The following MEP1A variants were observed in gnomAD, a reference collection of about 807,000 sequenced individuals.
MEP1A encodes N-benzoyl-L-tyrosyl-P-amino-benzoic acid hydrolase subunit alpha.
MEP1A carries 68 observed loss-of-function variants against 84.5 expected under a neutral mutation model. The observed-to-expected ratio is 0.80, with a 90% CI of 0.66 to 0.98. The LOEUF is 0.98. MEP1A is among the 50% of genes least tolerant of loss of function. MEP1A has a pLI of 0.00. For synonymous variants in MEP1A, 337 were observed against 336.8 expected, an observed-to-expected ratio of 1.00 and a Z score of -0.01; for missense variants, 887 against 919.9, an observed-to-expected ratio of 0.96 and a Z score of 0.46.
chr6:46,824,860 ATATTTAAATAGATC>A (rs1767882399), intron 7 of MEP1A, among the ~76,000 whole-genome samples: 1 of 90,986 alleles, frequency 1.1e-5, no homozygotes, highest in Non-Finnish European at 2.0e-5. Flanking sequence ...TATAAATTAT[ATATTTAAATAGATC>A]TATTTAAATA....
In MEP1A at chr6:46,833,447, G is replaced by C. The variant is rs373347697; in HGVS notation, c.1518G>C (p.Val506=). Residue 506 remains valine (V), a synonymous_variant, in exon 11 of 14, where the codon GTG becomes GTC. Coordinates refer to ENST00000230588, the MANE Select transcript of MEP1A (RefSeq NM_005588.3). ...AGTGGCCGGTAGAAAACAGACAGGTGATAATTACCATCCTTGACCAGGAGC... is the reference window on the plus strand; with the variant it reads ...AGTGGCCGGTAGAAAACAGACAGGTCATAATTACCATCCTTGACCAGGAGC... ...ILEWPVENRQ[V]IITILDQEPD... 2 of 1,614,064 alleles carry C rather than the reference G, an allele frequency of 1.2e-6. No individual in the cohort carries two copies. The highest frequency in any genetic ancestry group is 1.3e-5 in the African/African-American group (1 of 74,928).
chr6:46,823,664 G>A (rs1449996010), intron 7 of MEP1A, among the ~76,000 whole-genome samples: 1 of 152,142 alleles, frequency 6.6e-6, no homozygotes, highest in African/African-American at 2.4e-5. Flanking sequence ...AGCTAGAGAA[G>A]GAGAATACGA....
intron 6 of MEP1A, among the ~76,000 whole-genome samples, chr6:46,810,926 A>G (rs1158769656): frequency 1.3e-5 from 2 of 151,540 alleles, no homozygotes; most frequent in Non-Finnish European, 3.0e-5. Flanking sequence ...TGTTCTTTTT[A>G]CTTAGTCTTG....
At chr6:46,824,848 T>TTTAATTAGATGTATTTAA (rs1470176960) in intron 7 of MEP1A, among the ~76,000 whole-genome samples, 1 of 82,242 alleles carries the variant, frequency 1.2e-5, no homozygotes, top group Admixed American at 1.4e-4. Context: ...ATAAATTATA[T>TTTAATTAGATGTATTTAA]ATATAAATTA....
rs377434217 is a variant in MEP1A at position 46,825,279 on chromosome 6, G to A, written c.564G>A (p.Gln188=). 2.2e-5 allele frequency: 36 copies of A among 1,609,992 alleles called. No homozygotes were observed. Among genetic ancestry groups the A allele is most frequent in the Middle Eastern group, 1.6e-4 (1 of 6,068 alleles). Reference sequence around the variant, plus strand: ...GGATTCTCTCCCTAACAGGTTACCAGCACAACTTTGACACCTATGATGATA... The same window carrying A: ...GGATTCTCTCCCTAACAGGTTACCAACACAACTTTGACACCTATGATGATA... ...IWWDQILSGY[Q]HNFDTYDDSL... is the part of the protein sequence containing the mutation. Residue 188 remains glutamine (Q), a synonymous_variant, in exon 8 of 14, where the codon CAG becomes CAA. Coordinates refer to ENST00000230588, the MANE Select transcript of MEP1A (RefSeq NM_005588.3).
At chr6:46,826,981 A>G (rs756550893) in intron 9 of MEP1A, among the ~76,000 whole-genome samples, 2 of 152,224 alleles carry the variant, frequency 1.3e-5, no homozygotes, top group African/African-American at 4.8e-5. Flanking sequence ...CATGTAATCA[A>G]AATAAAAGTT....
At chr6:46,834,276 G>A (rs1046791528) in intron 11 of MEP1A, among the ~76,000 whole-genome samples, 11 of 151,586 alleles carry the variant, frequency 7.3e-5, no homozygotes, top group East Asian at 3.9e-4. Context: ...GAAAGAAGCC[G>A]TAGCTGTCCC....
At chr6:46,810,798 G>A (rs889749236) in intron 6 of MEP1A, among the ~76,000 whole-genome samples, 14 of 151,780 alleles carry the variant, frequency 9.2e-5, no homozygotes, top group Admixed American at 2.6e-4. Flanking sequence ...TTTATTTCTG[G>A]GTTCTCTATT....
intron 6 of MEP1A, among the ~76,000 whole-genome samples, chr6:46,818,545 A>G (rs1470081877): frequency 6.6e-6 from 1 of 152,182 alleles, no homozygotes; most frequent in Non-Finnish European, 1.5e-5. Context: ...GGTTTATGAG[A>G]AGAGAAAAAA....
rs763633288 is a variant in MEP1A, at chr6:46,799,106, A to G, written c.187A>G (p.Lys63Glu). ...CTCACCTTTACCTTTGTTTTCACAG[A>G]AATCCAGAAATGGCCTGAGAGACCC... Reference protein sequence around the residue: ...DLFQGDILLQKSRNGLRDPNT... With the variant: ...DLFQGDILLQESRNGLRDPNT... The change falls in exon 5 of 14, where the codon AAA becomes GAA. Residue 63 changes from lysine to glutamate, a missense_variant and splice_region_variant. Lys to Glu is a moderately conservative substitution (Grantham distance 56). Coordinates refer to ENST00000230588, the MANE Select transcript of MEP1A (RefSeq NM_005588.3). 1 of 1,610,826 alleles carries G rather than the reference A, an allele frequency of 6.2e-7. No homozygotes were observed. The highest frequency in any genetic ancestry group is 2.2e-5 in the East Asian group (1 of 44,858).
At chr6:46,825,190 AG>A (rs1767909029) in intron 7 of MEP1A, 81 bp from the exon 8 acceptor site, 2 of 588,316 alleles carry the variant, frequency 3.4e-6, no homozygotes, top group South Asian at 1.0e-4. Flanking sequence ...CCTTTTTTGG[AG>A]GGTCTCTGGG....
intron 3 of MEP1A, among the ~76,000 whole-genome samples, chr6:46,796,788 T>C (rs2150738574): frequency 6.6e-6 from 1 of 152,344 alleles, no homozygotes; most frequent in Non-Finnish European, 1.5e-5. Context: ...GCTTGTTCAC[T>C]TCACTCTGAA....
At position 46,833,375 on chromosome 6, in the gene MEP1A, G is replaced by A; in HGVS notation, c.1446G>A (p.Leu482=). The change falls in exon 11 of 14, where the codon TTG becomes TTA. Residue 482 remains leucine, a synonymous_variant. Transcript: ENST00000230588. ...YPNSRESSGY[L]RLAFHVCSGE... is the part of the protein sequence containing the mutation. ...ATAGCAGAGAAAGCTCTGGTTACTT[G>A]AGACTTGCTTTTCATGTGTGCAGTG... 1 of 1,614,238 alleles carries A rather than the reference G, an allele frequency of 6.2e-7. No homozygotes were observed. The highest frequency in any genetic ancestry group is 8.5e-7 in the Non-Finnish European group (1 of 1,180,032).
Position 46,833,345 on chromosome 6 carries a change from C to T in MEP1A, c.1416C>T (p.Tyr472=). 6.2e-7 allele frequency: 1 copy of T among 1,614,198 alleles called. No individual in the cohort carries two copies. Among genetic ancestry groups the T allele is most frequent in the Non-Finnish European group, 8.5e-7 (1 of 1,180,030 alleles). Residue 472 remains tyrosine, a synonymous_variant, in exon 11 of 14, where the codon TAC becomes TAT. Transcript: ENST00000230588. ...SEGYGFGVTL[Y]PNSRESSGYL... ...GATATGGTTTTGGGGTAACTTTATA[C>T]CCAAATAGCAGAGAAAGCTCTGGTT...
At chr6:46,796,918 G>A (rs1291174954) in intron 3 of MEP1A, among the ~76,000 whole-genome samples, 2 of 152,214 alleles carry the variant, frequency 1.3e-5, no homozygotes, top group African/African-American at 4.8e-5. Flanking sequence ...TTTAAAAGAT[G>A]ATTCAAATCT....
intron 5 of MEP1A, among the ~76,000 whole-genome samples, 198 bp downstream of exon 5, chr6:46,799,379 A>T (rs1276832365): frequency 2.0e-5 from 3 of 152,236 alleles, no homozygotes; most frequent in African/African-American, 7.2e-5. Context: ...GATACACAGA[A>T]TCCAAGAATA....
At chr6:46,830,997 C>T (rs1216268811) in intron 10 of MEP1A, among the ~76,000 whole-genome samples, 1 of 152,178 alleles carries the variant, frequency 6.6e-6, no homozygotes, top group Non-Finnish European at 1.5e-5. Flanking sequence ...AAAAGCGTTA[C>T]TTCTAAGCAT....
intron 6 of MEP1A, among the ~76,000 whole-genome samples, chr6:46,817,932 G>T (rs1767679918): frequency 6.6e-6 from 1 of 152,198 alleles, no homozygotes; most frequent in South Asian, 2.1e-4. Flanking sequence ...CAGGGCACTG[G>T]TCTCCTGAAG....
At chr6:46,838,930 A>T (rs767370536) in intron 13 of MEP1A, 50 bp from the exon 14 acceptor site, 1 of 1,532,860 alleles carries the variant, frequency 6.5e-7, no homozygotes, top group Non-Finnish European at 8.9e-7. Context: ...GCTAGGAGGC[A>T]CCTGAGGCCT....
Sources: allele counts gnomAD v4.1 joint callset (sites outside exome capture counted in the v4.1 genomes callset), GRCh38; gene constraint gnomAD v4.1.1; transcripts MANE v1.5; gene names NCBI Gene and HGNC (gene_info 2026-07-23, HGNC 2026-07-21).